Variants in EPYC observed in about 807,000 individuals in gnomAD.
The protein encoded by EPYC is epiphycan.
In EPYC, 28 loss-of-function variants were observed where a neutral mutation model predicts 30.1. The observed-to-expected ratio is 0.93, with a 90% confidence interval of 0.69 to 1.28. The LOEUF (loss-of-function observed/expected upper bound fraction) is 1.28. Ranked by LOEUF, EPYC falls within the 50% of genes most tolerant of loss-of-function variation. The probability of loss-of-function intolerance (pLI) is 0.00; values close to 1 mark genes in which losing one functional copy is unlikely to be tolerated. For missense variants in EPYC, 382 were observed against 383.5 expected (o/e 1.00, Z 0.03); for synonymous variants, 144 against 141.4 (o/e 1.02, Z -0.13).
At chr12:90,981,706 A>G (rs1313395940) in intron 2 of EPYC, among the ~76,000 whole-genome samples, 1 of 152,110 alleles carries the variant, frequency 6.6e-6, no homozygotes, top group African/African-American at 2.4e-5. Flanking sequence ...CAGCAATCAC[A>G]CATCTTCCTG....
intron 2 of EPYC, among the ~76,000 whole-genome samples, chr12:90,987,744 C>A (rs1347841844): frequency 6.6e-6 from 1 of 152,122 alleles, no homozygotes; most frequent in Non-Finnish European, 1.5e-5. Context: ...TAGAACCACT[C>A]CATTGCACAA....
At chr12:91,002,941 G>A (rs937693489) in intron 1 of EPYC, among the ~76,000 whole-genome samples, 2 of 152,080 alleles carry the variant, frequency 1.3e-5, no homozygotes, top group Admixed American at 1.3e-4. Context: ...TGAAGTTGAA[G>A]ATGATAAGGA....
At chr12:90,970,797 C>A (rs1479804453) in intron 5 of EPYC, among the ~76,000 whole-genome samples, 1 of 152,180 alleles carries the variant, frequency 6.6e-6, no homozygotes, top group Non-Finnish European at 1.5e-5. Flanking sequence ...GCATTTGCCA[C>A]CACCCAGTGG....
At chr12:90,997,140 C>A (rs761476977) in intron 2 of EPYC, among the ~76,000 whole-genome samples, 1 of 152,004 alleles carries the variant, frequency 6.6e-6, no homozygotes, top group Non-Finnish European at 1.5e-5. Context: ...CCCACAAAGA[C>A]CATAACTTAA....
chr12:90,992,129 A>C (rs768689342), intron 2 of EPYC, among the ~76,000 whole-genome samples: 4 of 152,162 alleles, frequency 2.6e-5, no homozygotes, highest in Non-Finnish European at 5.9e-5. Flanking sequence ...TCAGATCATC[A>C]GGCATTAGAT....
intron 6 of EPYC, 138 bp downstream of exon 6, chr12:90,969,902 GAATA>G (rs1876993659): frequency 1.5e-6 from 1 of 662,282 alleles, no homozygotes; most frequent in Admixed American, 2.5e-5. Flanking sequence ...TAAAGAGAGA[GAATA>G]AATGAGAAAA....
intron 2 of EPYC, among the ~76,000 whole-genome samples, chr12:90,994,196 A>G (rs960589978): frequency 6.6e-6 from 1 of 152,138 alleles, no homozygotes; most frequent in South Asian, 2.1e-4. Flanking sequence ...TGTGAACCCA[A>G]GCACAATGGG....
Position 91,003,798 on chromosome 12 carries a change from G to A in EPYC, c.-14+1149C>T, listed in dbSNP as rs542808800. 2.6e-5 allele frequency among the ~76,000 whole-genome samples: 4 copies of A among 152,170 alleles called. No individual in the cohort carries two copies. The South Asian group carries it at 6.2e-4, about 24-fold the overall frequency. ...TGCATACATATAAAAGGGAATTCATGATAAATATTACTTTTAAACTTGAAT... is the reference window on the plus strand; with the variant it reads ...TGCATACATATAAAAGGGAATTCATAATAAATATTACTTTTAAACTTGAAT... On this transcript the variant is annotated intron_variant, in intron 1 of 6. Coordinates refer to ENST00000261172, the MANE Select transcript of EPYC (RefSeq NM_004950.5).
chr12:90,995,955 T>C (rs1877684626), intron 2 of EPYC, among the ~76,000 whole-genome samples: 1 of 152,050 alleles, frequency 6.6e-6, no homozygotes, highest in Non-Finnish European at 1.5e-5. Context: ...GAAAAAGATA[T>C]TTAATTCAGG....
At chr12:90,975,669 G>A (rs1220131552) in intron 3 of EPYC, among the ~76,000 whole-genome samples, 1 of 152,094 alleles carries the variant, frequency 6.6e-6, no homozygotes, top group East Asian at 1.9e-4. Context: ...TAAGCTGAGA[G>A]ATCCAACATA....
intron 6 of EPYC, 148 bp downstream of exon 6, chr12:90,969,892 TAAAG>T: frequency 3.1e-6 from 2 of 637,556 alleles, no homozygotes; most frequent in East Asian, 2.6e-5. Flanking sequence ...TGTACTCAGA[TAAAG>T]AGAGAGAATA....
chr12:90,991,260 C>G (rs1327449876), intron 2 of EPYC, among the ~76,000 whole-genome samples: 2 of 151,992 alleles, frequency 1.3e-5, no homozygotes, highest in African/African-American at 2.4e-5. Context: ...TTTCTCTGTC[C>G]CTGGAAAACT....
In EPYC at chr12:90,970,025, C is replaced by G. The variant is rs1295370729; in HGVS notation, c.798+19G>C. The G allele has an allele frequency of 6.3e-7, 1 of 1,593,778 alleles. No homozygotes were observed. The highest frequency in any genetic ancestry group is 8.6e-7 in the Non-Finnish European group (1 of 1,161,582). The stretch of plus-strand genomic sequence containing the variant: ...CTTTCTCTGAAGCCCTTGGGCGCAC[C>G]TTACTGGTAGACTCCTACCTGGAGG... On this transcript the variant is annotated intron_variant, in intron 6 of 6. Transcript: ENST00000261172.
At chr12:90,967,684 G>A (rs1016608179) in intron 6 of EPYC, among the ~76,000 whole-genome samples, 7 of 152,112 alleles carry the variant, frequency 4.6e-5, no homozygotes, top group Non-Finnish European at 1.0e-4. Flanking sequence ...ATCCATTATT[G>A]AAGCAAGGCC....
chr12:90,973,633 GAGGAATAATTGACTATGC>G (rs1239624661), intron 3 of EPYC, among the ~76,000 whole-genome samples: 2 of 152,160 alleles, frequency 1.3e-5, no homozygotes, highest in African/African-American at 2.4e-5. Flanking sequence ...ATCAGCAGAA[GAGGAATAATTGACTATGC>G]AGGTAGGACA....
chr12:90,984,009 T>G lies in EPYC; in HGVS notation c.166-5747A>C, dbSNP rs534125161. 3.6e-4 allele frequency among the ~76,000 whole-genome samples: 55 copies of G among 152,176 alleles called. No homozygotes were observed. The South Asian group carries it at 9.7e-3, about 27-fold the overall frequency. ...AGCCTCAGAAATGATATCCTTCCTA[T>G]TCATATGATGAGAAGTGAGGACAAA... On this transcript the variant is annotated intron_variant, in intron 2 of 6. Transcript: ENST00000261172.
intron 2 of EPYC, among the ~76,000 whole-genome samples, chr12:90,987,924 C>T (rs542587825): frequency 2.0e-5 from 3 of 152,230 alleles, no homozygotes; most frequent in Non-Finnish European, 4.4e-5. Context: ...GGTCACACTC[C>T]TTACAATTTT....
intron 4 of EPYC, 44 bp downstream of exon 4, chr12:90,972,778 G>T: frequency 6.7e-7 from 1 of 1,494,496 alleles, no homozygotes; most frequent in Non-Finnish European, 9.0e-7. Flanking sequence ...AAATTTAAAG[G>T]AAGTGTGTAA....
chr12:90,997,997 A>G (rs887781162), intron 2 of EPYC, among the ~76,000 whole-genome samples: 9 of 152,088 alleles, frequency 5.9e-5, no homozygotes, highest in Admixed American at 5.9e-4. Context: ...TGATATGAGA[A>G]GACAGCATCA....
Sources: gnomAD v4.1 joint callset for allele counts (sites outside exome capture counted in the v4.1 genomes callset) on GRCh38, gnomAD v4.1.1 for gene constraint, MANE v1.5 for transcripts, NCBI Gene and HGNC (gene_info 2026-07-23, HGNC 2026-07-21) for gene names.